STEAP1B: variants seen among roughly 807,000 people sequenced by gnomAD.
STEAP1B encodes the protein STEAP family member 1B.
Under a neutral mutation model 27.9 loss-of-function variants are expected in STEAP1B, and 13 were observed. The observed-to-expected ratio is 0.47, with a 90% CI of 0.30 to 0.74. The LOEUF (loss-of-function observed/expected upper bound fraction) is 0.74, where lower values mean the gene tolerates loss of function less well. STEAP1B is among the 30% of genes least tolerant of loss of function. STEAP1B has a pLI of 0.06. For missense variants in STEAP1B, 250 were observed against 298.7 expected (o/e 0.84, Z 1.20); for synonymous variants, 86 against 107.1 (o/e 0.80, Z 1.22).
At chr7:22,463,405 C>T (rs1785713892) in intron 4 of STEAP1B, among the ~76,000 whole-genome samples, 1 of 152,082 alleles carries the variant, frequency 6.6e-6, no homozygotes. Context: ...GATTCAATGC[C>T]ATCCCCATCA....
At chr7:22,431,598 C>T (rs1009801136) in intron 4 of STEAP1B, among the ~76,000 whole-genome samples, 1 of 152,216 alleles carries the variant, frequency 6.6e-6, no homozygotes, top group Admixed American at 6.5e-5. Flanking sequence ...CTCTGTTTGA[C>T]CTTCACCTTT....
chr7:22,435,052 C>T (rs1350217531), intron 4 of STEAP1B, among the ~76,000 whole-genome samples: 1 of 152,064 alleles, frequency 6.6e-6, no homozygotes, highest in Non-Finnish European at 1.5e-5. Flanking sequence ...AATTTTAACT[C>T]AGGTCAATGT....
chr7:22,492,319 CAAAAAAAAAAAAAAAAAAA>C (rs56679156), intron 4 of STEAP1B: 6 of 54,812 alleles, frequency 1.1e-4, no homozygotes, highest in East Asian at 1.6e-3. Flanking sequence ...ACTTCATCTC[CAAAAAAAAAAAAAAAAAAA>C]AAAAAAAAAG....
At chr7:22,438,457 G>A in intron 4 of STEAP1B, 1 of 1,534,324 alleles carries the variant, frequency 6.5e-7, no homozygotes, top group Non-Finnish European at 8.8e-7. Flanking sequence ...AGATGTATGA[G>A]CAGGGAACAA....
rs1288252717 is a variant in STEAP1B, at chr7:22,493,727, T to C, written c.194A>G (p.Gln65Arg). The stretch of plus-strand genomic sequence containing the variant: ...CAAGTGCCACTGTGGAAAGAGTTCC[T>C]GTGCGTGCTGAAGTTCTGAAGGGCA... Reference protein sequence around the residue: ...FDCPSELQHAQELFPQWHLPI... With the variant: ...FDCPSELQHARELFPQWHLPI... Residue 65 changes from glutamine to arginine, a missense_variant, in exon 3 of 5, where the codon CAG (glutamine) becomes CGG (arginine). By Grantham distance (43) the Gln-to-Arg change is conservative (BLOSUM62 1). Coordinates refer to ENST00000678116, the MANE Select transcript of STEAP1B (RefSeq NM_001382447.1). 7 of 1,614,010 alleles carry C rather than the reference T, an allele frequency of 4.3e-6. No individual in the cohort carries two copies. Among genetic ancestry groups the C allele is most frequent in the Non-Finnish European group, 5.9e-6 (7 of 1,179,872 alleles).
intron 4 of STEAP1B, among the ~76,000 whole-genome samples, chr7:22,462,833 T>A (rs1785703276): frequency 6.6e-6 from 1 of 151,526 alleles, no homozygotes; most frequent in African/African-American, 2.4e-5. Flanking sequence ...GTTGAACTAG[T>A]TTACAGTCCC....
At position 22,492,645 on chromosome 7, in the gene STEAP1B, C is replaced by G. The variant is rs1178939470; in HGVS notation, c.682G>C (p.Ala228Pro). Residue 228 changes from alanine (A) to proline (P), a missense_variant, in exon 4 of 5, where the codon GCA becomes CCA. Ala to Pro is a conservative substitution (Grantham distance 27, BLOSUM62 -1). Transcript: ENST00000678116. ...IYVSLGIVGL[A>P]ILALLAVTSI... is the part of the protein sequence containing the mutation. ...GTCACAGCCAACAGAGCCAGTATTG[C>G]CAGTCCCACAATTCCCAGAGACACA... The G allele has an allele frequency of 6.2e-7, 1 of 1,613,440 alleles. No homozygotes were observed. Among genetic ancestry groups the G allele is most frequent in the African/African-American group, 1.3e-5 (1 of 74,894 alleles).
intron 4 of STEAP1B, among the ~76,000 whole-genome samples, chr7:22,439,396 C>A (rs886426224): frequency 6.6e-6 from 1 of 152,116 alleles, no homozygotes; most frequent in African/African-American, 2.4e-5. Flanking sequence ...TATTAGAATC[C>A]TGATACTTCA....
Position 22,492,733 on chromosome 7 carries a change from C to T in STEAP1B, c.598-4G>A. On this transcript the variant is annotated splice_polypyrimidine_tract_variant and splice_region_variant and intron_variant, in intron 3 of 4. Coordinates refer to ENST00000678116, the MANE Select transcript of STEAP1B (RefSeq NM_001382447.1). ...CATCTTCTTTATTTTGTTGGACCTA[C>T]CAGAAGGTAAATAAAGAAAGAAGAA... 9 of 1,580,400 alleles carry T rather than the reference C, an allele frequency of 5.7e-6. No individual in the cohort carries two copies. Among genetic ancestry groups the T allele is most frequent in the Non-Finnish European group, 6.8e-6 (8 of 1,168,556 alleles).
At chr7:22,456,614 G>A (rs1785581731) in intron 4 of STEAP1B, among the ~76,000 whole-genome samples, 1 of 152,152 alleles carries the variant, frequency 6.6e-6, no homozygotes, top group South Asian at 2.1e-4. Context: ...ATTTTGAATG[G>A]ATGTTGGTGT....
At chr7:22,434,393 A>C (rs3813379) in intron 4 of STEAP1B, among the ~76,000 whole-genome samples, 49,507 of 152,056 alleles carry the variant, frequency 0.33, 8,893 homozygotes, top group South Asian at 0.42. Flanking sequence ...CATGGGCCCC[A>C]TAGAGGGCTT....
intron 4 of STEAP1B, among the ~76,000 whole-genome samples, chr7:22,481,080 G>A (rs1786061965): frequency 6.6e-6 from 1 of 152,220 alleles, no homozygotes; most frequent in Non-Finnish European, 1.5e-5. Context: ...GAGGTCACTG[G>A]ATGTCCTCGT....
chr7:22,446,844 G>A (rs767640493), intron 4 of STEAP1B, among the ~76,000 whole-genome samples: 1 of 152,202 alleles, frequency 6.6e-6, no homozygotes, highest in African/African-American at 2.4e-5. Flanking sequence ...CAATGGTGCT[G>A]TGAAGAGTAA....
At chr7:22,456,708 A>C (rs1440973625) in intron 4 of STEAP1B, among the ~76,000 whole-genome samples, 1 of 151,946 alleles carries the variant, frequency 6.6e-6, no homozygotes, top group Non-Finnish European at 1.5e-5. Context: ...TAGAACCCCC[A>C]GCCAATCCTT....
intron 4 of STEAP1B, among the ~76,000 whole-genome samples, chr7:22,450,363 AT>A (rs1245716488): frequency 2.0e-5 from 3 of 152,164 alleles, no homozygotes; most frequent in Admixed American, 6.5e-5. Context: ...ATGGTGAGAG[AT>A]AGGGGTCTAG....
intron 4 of STEAP1B, 21 bp from the exon 5 acceptor site, chr7:22,419,857 AAG>A: frequency 6.5e-7 from 1 of 1,549,118 alleles, no homozygotes; most frequent in Non-Finnish European, 8.7e-7. Flanking sequence ...GACAGCAAGA[AAG>A]AGTTGATGTA....
intron 4 of STEAP1B, among the ~76,000 whole-genome samples, chr7:22,485,557 T>C (rs896957654): frequency 2.6e-5 from 4 of 152,210 alleles, no homozygotes; most frequent in Admixed American, 2.0e-4. Context: ...GGCATGATCA[T>C]AGCTCACTGC....
At chr7:22,476,266 C>A (rs1583649846) in intron 4 of STEAP1B, among the ~76,000 whole-genome samples, 1 of 152,172 alleles carries the variant, frequency 6.6e-6, no homozygotes, top group South Asian at 2.1e-4. Context: ...CTATTAACCT[C>A]AATAGGGATG....
At chr7:22,420,620 C>T (rs1785032778) in intron 4 of STEAP1B, among the ~76,000 whole-genome samples, 1 of 152,222 alleles carries the variant, frequency 6.6e-6, no homozygotes, top group South Asian at 2.1e-4. Context: ...GCTCTCAGTT[C>T]TTCACATAAG....
Sources: gnomAD v4.1 joint callset for allele counts (sites outside exome capture counted in the v4.1 genomes callset) on GRCh38, gnomAD v4.1.1 for gene constraint, MANE v1.5 for transcripts, NCBI Gene and HGNC (gene_info 2026-07-23, HGNC 2026-07-21) for gene names.